TENM4: variants seen among roughly 807,000 people sequenced by gnomAD.
The protein encoded by TENM4 is teneurin transmembrane protein 4.
Under a neutral mutation model 243.3 loss-of-function variants are expected in TENM4, and 82 were observed. The ratio of observed to expected loss-of-function variants is 0.34; its 90% CI spans 0.28 to 0.40. The LOEUF is 0.40. Ranked by LOEUF, TENM4 falls within the 10% of genes least tolerant of loss-of-function variation. The probability of loss-of-function intolerance (pLI) is 1.00; values close to 1 mark genes in which losing one functional copy is unlikely to be tolerated. For synonymous variants in TENM4, 1,412 were observed against 1,456.3 expected (o/e 0.97, Z 0.69); for missense variants, 3,138 against 3,673.3 (o/e 0.85, Z 3.77).
intron 13 of TENM4, among the ~76,000 whole-genome samples, chr11:78,812,917 G>A (rs1857529385): frequency 6.6e-6 from 1 of 152,136 alleles, no homozygotes; most frequent in Non-Finnish European, 1.5e-5. Flanking sequence ...TCTTCTCTAT[G>A]AAGGATACTA....
At chr11:78,948,778 C>T (rs1382914940) in intron 6 of TENM4, among the ~76,000 whole-genome samples, 2 of 152,200 alleles carry the variant, frequency 1.3e-5, no homozygotes, top group Admixed American at 6.5e-5. Flanking sequence ...GAGCCTCCTA[C>T]CCACCCAAAT....
At chr11:78,924,691 C>T (rs552127219) in intron 6 of TENM4, 2 of 152,322 alleles carry the variant, frequency 1.3e-5, no homozygotes, top group East Asian at 3.9e-4. Flanking sequence ...TCGGCCCTAA[C>T]AGCTGTCTGC....
At chr11:79,433,360 C>G (rs992249204) in intron 1 of TENM4, among the ~76,000 whole-genome samples, 2 of 152,140 alleles carry the variant, frequency 1.3e-5, no homozygotes, top group Non-Finnish European at 2.9e-5. Flanking sequence ...TGAGATTGCA[C>G]TAACTTAACA....
intron 6 of TENM4, among the ~76,000 whole-genome samples, chr11:78,966,304 A>T (rs763178991): frequency 2.9e-4 from 44 of 152,238 alleles, no homozygotes; most frequent in Non-Finnish European, 5.6e-4. Flanking sequence ...TGTGTGTGGC[A>T]GCCAGTAAAT....
At chr11:79,064,717 C>G in intron 6 of TENM4, 21 bp downstream of exon 6, 2 of 1,551,496 alleles carry the variant, frequency 1.3e-6, no homozygotes, top group African/African-American at 1.4e-5. Context: ...GCACCCGGCA[C>G]AGACCAAACC....
At chr11:79,260,895 C>T (rs1225595284) in intron 2 of TENM4, among the ~76,000 whole-genome samples, 5 of 152,224 alleles carry the variant, frequency 3.3e-5, no homozygotes, top group South Asian at 2.1e-4. Context: ...TCTTACAACT[C>T]CTTGACCAAA....
intron 9 of TENM4, among the ~76,000 whole-genome samples, chr11:78,888,225 C>A (rs1409168159): frequency 1.3e-5 from 2 of 152,228 alleles, no homozygotes; most frequent in Non-Finnish European, 2.9e-5. Context: ...GTGACCATAA[C>A]AGACATCACT....
chr11:79,255,758 TG>T (rs1331212785), intron 2 of TENM4, among the ~76,000 whole-genome samples: 2 of 152,246 alleles, frequency 1.3e-5, no homozygotes, highest in African/African-American at 2.4e-5. Context: ...TTTCAACTTT[TG>T]TCCCTAACAC....
chr11:79,357,835 T>C (rs1231372638), intron 1 of TENM4, among the ~76,000 whole-genome samples: 1 of 152,204 alleles, frequency 6.6e-6, no homozygotes, highest in Non-Finnish European at 1.5e-5. Context: ...TCTTGCCCAC[T>C]TGTAGCAACA....
chr11:79,310,890 AC>A (rs1448499125), intron 1 of TENM4, among the ~76,000 whole-genome samples: 1 of 152,240 alleles, frequency 6.6e-6, no homozygotes, highest in Admixed American at 6.5e-5. Context: ...CACTACAGCA[AC>A]TAAGTGGGTA....
intron 33 of TENM4, among the ~76,000 whole-genome samples, chr11:78,661,229 C>G (rs192282188): frequency 1.1e-4 from 17 of 152,342 alleles, no homozygotes; most frequent in African/African-American, 4.1e-4. Context: ...ACACAAAGCT[C>G]CTTACTGCAG....
chr11:79,129,422 C>T (rs1000165002), intron 4 of TENM4, among the ~76,000 whole-genome samples: 8 of 152,146 alleles, frequency 5.3e-5, no homozygotes, highest in Admixed American at 2.0e-4. Flanking sequence ...ACTCCACAGG[C>T]GGAGGAAGAA....
At position 78,904,204 on chromosome 11, in the gene TENM4, CA is replaced by C. The variant is rs1856007919; in HGVS notation, c.494-682del. On this transcript the variant is annotated intron_variant, in intron 6 of 33. Coordinates refer to ENST00000278550, the MANE Select transcript of TENM4 (RefSeq NM_001098816.3). Reference sequence around the variant, plus strand: ...TGAAACCCTGTCTCTACTAAAAATACAAAAAATTAGCCGGGCGTGGTGGCGG... The same window carrying C: ...TGAAACCCTGTCTCTACTAAAAATACAAAAATTAGCCGGGCGTGGTGGCGG... Among the ~76,000 whole-genome samples, 8 of 151,524 alleles carry C rather than the reference CA, an allele frequency of 5.3e-5. 1 individual carries two copies.
intron 6 of TENM4, among the ~76,000 whole-genome samples, chr11:79,031,160 T>A (rs956163010): frequency 6.6e-6 from 1 of 152,110 alleles, no homozygotes; most frequent in Non-Finnish European, 1.5e-5. Context: ...TAGCAAATGA[T>A]GTCACAGATA....
At chr11:79,222,180 G>A (rs372093734) in intron 2 of TENM4, among the ~76,000 whole-genome samples, 2 of 152,170 alleles carry the variant, frequency 1.3e-5, no homozygotes, top group Non-Finnish European at 2.9e-5. Flanking sequence ...GAGGGTCAAG[G>A]GGAACAGGTG....
intron 3 of TENM4, among the ~76,000 whole-genome samples, chr11:79,196,492 G>A (rs1863629868): frequency 6.6e-6 from 1 of 152,168 alleles, no homozygotes. Flanking sequence ...CTCTGTCTGT[G>A]AAACTGGGGT....
rs190451846 is a variant in TENM4 at position 78,862,942 on chromosome 11, G to A, written c.1255+20C>T. Reference sequence around the variant, plus strand: ...GGCAGACACAGAGGACTCACAACACGGACAACGCAGCAACCCTACCTTCTG... The same window carrying A: ...GGCAGACACAGAGGACTCACAACACAGACAACGCAGCAACCCTACCTTCTG... On this transcript the variant is annotated intron_variant, in intron 10 of 33. Transcript: ENST00000278550. 38 of 1,413,236 alleles carry A rather than the reference G, an allele frequency of 2.7e-5. No individual in the cohort carries two copies. The East Asian group carries it at 3.5e-4, about 13-fold the overall frequency. 87.5% of individuals were successfully genotyped at this position (1,413,236 alleles called of 1,614,324 possible).
chr11:78,676,092 G>C, intron 30 of TENM4, 60 bp downstream of exon 30: 3 of 1,394,506 alleles, frequency 2.2e-6, no homozygotes, highest in Non-Finnish European at 2.8e-6. Flanking sequence ...ACAGAGCCCC[G>C]TTCTCCCGTT....
At chr11:79,365,395 T>G (rs1857659844) in intron 1 of TENM4, among the ~76,000 whole-genome samples, 1 of 152,170 alleles carries the variant, frequency 6.6e-6, no homozygotes. Context: ...TTATGAATGA[T>G]TCCAGGATCT....
Sources: allele counts gnomAD v4.1 joint callset (sites outside exome capture counted in the v4.1 genomes callset), GRCh38; gene constraint gnomAD v4.1.1; transcripts MANE v1.5; gene names NCBI Gene and HGNC (gene_info 2026-07-23, HGNC 2026-07-21).